Variants in IRAG2 observed in about 807,000 individuals in gnomAD.
IRAG2 encodes lymphoid restricted membrane protein.
In IRAG2, 45 loss-of-function variants were observed where a neutral mutation model predicts 69.9. That is an observed-to-expected ratio of 0.64 (90% CI 0.51 to 0.83). IRAG2 has a LOEUF of 0.83. Ranked by LOEUF, IRAG2 falls within the 40% of genes least tolerant of loss-of-function variation. The probability of loss-of-function intolerance (pLI) is 0.00; values close to 1 mark genes in which losing one functional copy is unlikely to be tolerated. For missense variants in IRAG2, 520 were observed against 587.0 expected (o/e 0.89, Z 1.18); for synonymous variants, 193 against 202.4 (o/e 0.95, Z 0.40).
At chr12:25,099,756 C>G (rs1037940561) in intron 15 of IRAG2, among the ~76,000 whole-genome samples, 63 of 151,974 alleles carry the variant, frequency 4.1e-4, no homozygotes, top group Admixed American at 4.1e-3. Context: ...AATCCTAGCA[C>G]CTTGGGAGGC....
rs531829835 is a variant in IRAG2, at chr12:25,072,182, C to T, written c.24+2751C>T. Among the ~76,000 whole-genome samples, 123 of 150,888 alleles carry T rather than the reference C, an allele frequency of 8.2e-4. 1 individual carries two copies. Among genetic ancestry groups the T allele is most frequent in the Non-Finnish European group, 1.2e-3 (80 of 67,772 alleles). On this transcript the variant is annotated intron_variant, in intron 6 of 21. Transcript: ENST00000556887. Reference sequence around the variant, plus strand: ...TCGTGCCATTGTTCTCCAGCTTGGGCGACAAGAGCGAAACTCCATCTCAAA... The same window carrying T: ...TCGTGCCATTGTTCTCCAGCTTGGGTGACAAGAGCGAAACTCCATCTCAAA...
intron 16 of IRAG2, among the ~76,000 whole-genome samples, chr12:25,040,538 A>G (rs963508518): frequency 6.6e-6 from 1 of 152,206 alleles, no homozygotes; most frequent in Non-Finnish European, 1.5e-5. Flanking sequence ...AGAGAAAAGA[A>G]AAGAAAAAGA....
chr12:25,105,071 G>GTTTT (rs10583191), intron 20 of IRAG2, among the ~76,000 whole-genome samples: 4 of 87,640 alleles, frequency 4.6e-5, no homozygotes, highest in African/African-American at 8.7e-5. Context: ...CTTGGTCTCA[G>GTTTT]TTTTTTTTTT....
chr12:25,023,300 TAAAG>T (rs1378770826), intron 7 of IRAG2, among the ~76,000 whole-genome samples: 1 of 152,134 alleles, frequency 6.6e-6, no homozygotes, highest in Non-Finnish European at 1.5e-5. Context: ...TTTATAAAAA[TAAAG>T]AAATGCATAT....
intron 2 of IRAG2, among the ~76,000 whole-genome samples, chr12:25,010,880 C>T (rs1490930331): frequency 6.6e-6 from 1 of 152,134 alleles, no homozygotes; most frequent in Non-Finnish European, 1.5e-5. Flanking sequence ...GTAGGGATGA[C>T]TGTCTAAAAA....
intron 20 of IRAG2, among the ~76,000 whole-genome samples, chr12:25,106,361 A>G (rs1421706191): frequency 3.5e-5 from 5 of 141,842 alleles, no homozygotes; most frequent in Admixed American, 1.5e-4. Flanking sequence ...ATTTTTATAT[A>G]TATAAATATA....
At position 25,077,308 on chromosome 12, in the gene IRAG2, GAT is replaced by G. The variant is rs1555139165; in HGVS notation, c.25-1929_25-1928del. Among the ~76,000 whole-genome samples, 112 of 17,678 alleles carry G rather than the reference GAT, an allele frequency of 6.3e-3. 32 individuals are homozygous for G. Among genetic ancestry groups the G allele is most frequent in the Non-Finnish European group, 0.012 (101 of 8,468 alleles). The allele number at this position is 17,678 out of a possible 152,430, so 11.6% of individuals were successfully genotyped here. A position where few individuals can be genotyped will look rare whatever the true frequency, so the allele number is the denominator to read the frequency against. ...TATGATATATATATGAAATATATAT[GAT>G]ATATATGATATATATATGATATATA... On this transcript the variant is annotated intron_variant, in intron 6 of 21. Transcript: ENST00000556887.
chr12:25,000,389 G>A (rs1944382825), upstream of IRAG2, among the ~76,000 whole-genome samples: 1 of 152,210 alleles, frequency 6.6e-6, no homozygotes, highest in South Asian at 2.1e-4. Context: ...GGAGGTTCCA[G>A]TGAGCCGAGA....
upstream of IRAG2, among the ~76,000 whole-genome samples, chr12:25,002,679 TC>T (rs1227381111): frequency 6.6e-6 from 1 of 150,800 alleles, no homozygotes; most frequent in South Asian, 2.1e-4. Flanking sequence ...TCTTGCTCTG[TC>T]CCCCCGGCTA....
intron 7 of IRAG2, chr12:25,020,961 A>G: frequency 1.1e-6 from 1 of 896,112 alleles, no homozygotes; most frequent in Non-Finnish European, 1.5e-6. Flanking sequence ...CATAACTGAA[A>G]TATACAAGAG....
intron 6 of IRAG2, among the ~76,000 whole-genome samples, chr12:25,076,091 T>A (rs930079824): frequency 6.6e-6 from 1 of 152,144 alleles, no homozygotes; most frequent in African/African-American, 2.4e-5. Flanking sequence ...AAAAAAAATC[T>A]TCTTTACTCT....
At chr12:25,024,478 C>T (rs969215860) in intron 8 of IRAG2, among the ~76,000 whole-genome samples, 3 of 152,028 alleles carry the variant, frequency 2.0e-5, no homozygotes, top group African/African-American at 4.8e-5. Context: ...TTTTTTAAAG[C>T]AACAAAATTG....
chr12:25,077,361 G>GATATATATATGAGATATATATATGAA (rs1555139240), intron 6 of IRAG2, among the ~76,000 whole-genome samples: 1 of 12,834 alleles, frequency 7.8e-5, no homozygotes, highest in African/African-American at 2.3e-4. Context: ...TGATATATAT[G>GATATATATATGAGATATATATATGAA]ATATATATGA....
intron 2 of IRAG2, among the ~76,000 whole-genome samples, chr12:25,061,927 C>T (rs924305494): frequency 6.6e-6 from 1 of 152,144 alleles, no homozygotes. Flanking sequence ...TATCTATTAG[C>T]GAACAGCCAG....
chr12:25,007,178 C>G (rs890842592), intron 2 of IRAG2, among the ~76,000 whole-genome samples: 2 of 152,172 alleles, frequency 1.3e-5, no homozygotes, highest in East Asian at 3.8e-4. Flanking sequence ...TCATTTTCCT[C>G]TCCTCTACTC....
Position 25,108,085 on chromosome 12 carries a change from T to A in IRAG2, c.*25T>A. On this transcript the variant is annotated 3_prime_UTR_variant, in exon 22 of 22. Transcript: ENST00000556887. Reference sequence around the variant, plus strand: ...ACAGCAGGACATCCTAATATATGGATCTTGATTTTTAAGTTTCAGTATCTG... The same window carrying A: ...ACAGCAGGACATCCTAATATATGGAACTTGATTTTTAAGTTTCAGTATCTG... The A allele has an allele frequency of 6.2e-7, 1 of 1,601,754 alleles. No homozygotes were observed. Among genetic ancestry groups the A allele is most frequent in the Non-Finnish European group, 8.5e-7 (1 of 1,171,846 alleles).
At chr12:25,079,214 G>T in intron 6 of IRAG2, 30 bp from the exon 7 acceptor site, 2 of 1,612,066 alleles carry the variant, frequency 1.2e-6, no homozygotes, top group Non-Finnish European at 8.5e-7. Context: ...TCAAATTGTT[G>T]AACTTATGTC....
intron 16 of IRAG2, among the ~76,000 whole-genome samples, chr12:25,101,539 AT>A (rs1948748753): frequency 2.0e-5 from 3 of 152,218 alleles, no homozygotes; most frequent in African/African-American, 7.2e-5. Flanking sequence ...CCAAAAATTT[AT>A]TAACTCAATT....
the IRAG2 span, among the ~76,000 whole-genome samples, chr12:24,998,457 G>A: frequency 1.3e-5 from 2 of 152,118 alleles, no homozygotes; most frequent in South Asian, 4.1e-4. Context: ...ACATAAAATA[G>A]TAGTCACAAA....
Sources: gnomAD v4.1 joint callset for allele counts (sites outside exome capture counted in the v4.1 genomes callset) on GRCh38, gnomAD v4.1.1 for gene constraint, MANE v1.5 for transcripts, NCBI Gene and HGNC (gene_info 2026-07-23, HGNC 2026-07-21) for gene names.